The following ZNF717 variants were observed in gnomAD, a reference collection of about 807,000 sequenced individuals.
ZNF717 encodes zinc finger protein 717, also known as krueppel-like factor X17.
In ZNF717, 9 loss-of-function variants were observed where a neutral mutation model predicts 13.8. The ratio of observed to expected loss-of-function variants is 0.65; its 90% CI spans 0.39 to 1.14. The LOEUF (loss-of-function observed/expected upper bound fraction) is 1.14, where lower values mean the gene tolerates loss of function less well. ZNF717 is among the 50% of genes most tolerant of loss of function. The pLI is 0.01. For missense variants in ZNF717, 1,040 were observed against 1,080.7 expected (o/e 0.96, Z 0.53); for synonymous variants, 327 against 364.1 (o/e 0.90, Z 1.16).
chr3:75,708,643 A>G (rs757554262), downstream of ZNF717, among the ~76,000 whole-genome samples: 31 of 152,208 alleles, frequency 2.0e-4, no homozygotes, highest in Non-Finnish European at 8.8e-5. Flanking sequence ...TTGAGAGAAG[A>G]AGGATCCAGA....
At position 75,737,226 on chromosome 3, in the gene ZNF717, T is replaced by C. The variant is rs1270272425; in HGVS notation, c.2397A>G (p.Thr799=). The change falls in exon 5 of 5, where the codon ACA becomes ACG. Residue 799 remains threonine, a synonymous_variant. Transcript: ENST00000652011. ...DECRKTFYDK[T]VLTIHQRTHT... is the part of the protein sequence containing the mutation. Reference sequence around the variant, plus strand: ...GAGTTCTCTGATGTATGGTGAGAACTGTCTTATCGTAAAAAGTTTTCCTAC... The same window carrying C: ...GAGTTCTCTGATGTATGGTGAGAACCGTCTTATCGTAAAAAGTTTTCCTAC... The C allele has an allele frequency of 1.3e-6, 2 of 1,553,406 alleles. No individual in the cohort carries two copies. Among genetic ancestry groups the C allele is most frequent in the African/African-American group, 1.4e-5 (1 of 73,200 alleles).
chr3:75,709,416 A>G (rs1183141995), downstream of ZNF717, among the ~76,000 whole-genome samples: 2 of 152,200 alleles, frequency 1.3e-5, no homozygotes, highest in African/African-American at 4.8e-5. Context: ...TCATGTCCCC[A>G]GGCCCCACCT....
intron 4 of ZNF717, chr3:75,716,676 C>T (rs1323093259): frequency 6.6e-6 from 1 of 152,042 alleles, no homozygotes; most frequent in Non-Finnish European, 1.5e-5. Context: ...TGAACAAGAA[C>T]TCAGTGAAAA....
At chr3:75,719,793 C>A (rs1205314106) in intron 4 of ZNF717, among the ~76,000 whole-genome samples, 2 of 152,026 alleles carry the variant, frequency 1.3e-5, no homozygotes, top group South Asian at 4.2e-4. Context: ...CCCGTCTCTA[C>A]TAAAAATACA....
Position 75,737,730 on chromosome 3 carries a change from C to A in ZNF717, c.1893G>T (p.Lys631Asn). The change falls in exon 5 of 5, where the codon AAG (lysine) becomes AAT (asparagine). Residue 631 changes from lysine to asparagine, a missense_variant. This residue lies in a region of ZNF717 where 873 missense variants were observed against 832.8 expected (regional missense o/e 1.05). Transcript: ENST00000652011. Reference protein sequence around the residue: ...CNECGKTFRQKSNLSTHQGTH... With the variant: ...CNECGKTFRQNSNLSTHQGTH... ...TTCCCTGATGGGTGCTGAGATTTGACTTCTGACGAAAGGTTTTTCCACATT... is the reference window on the plus strand; with the variant it reads ...TTCCCTGATGGGTGCTGAGATTTGAATTCTGACGAAAGGTTTTTCCACATT... 6.5e-7 allele frequency: 1 copy of A among 1,546,402 alleles called. No individual in the cohort carries two copies. The highest frequency in any genetic ancestry group is 2.5e-5 in the East Asian group (1 of 40,672).
chr3:75,717,481 T>C (rs62247357), intron 4 of ZNF717, among the ~76,000 whole-genome samples: 24 of 152,212 alleles, frequency 1.6e-4, no homozygotes, highest in Admixed American at 5.2e-4. Flanking sequence ...GATGAATGAA[T>C]GGAAAGAATG....
intron 4 of ZNF717, 111 bp from the exon 5 acceptor site, chr3:75,739,456 A>C: frequency 1.6e-6 from 1 of 635,132 alleles, no homozygotes; most frequent in Non-Finnish European, 2.4e-6. Context: ...GATTTGACAA[A>C]AATAAATATG....
downstream of ZNF717, among the ~76,000 whole-genome samples, chr3:75,732,406 G>A (rs1389454792): frequency 6.6e-6 from 1 of 152,238 alleles, no homozygotes; most frequent in African/African-American, 2.4e-5. Flanking sequence ...TTCTGCTACA[G>A]TCTGAATATC....
At position 75,773,293 on chromosome 3, in the gene ZNF717, G is replaced by T. The variant is rs183463671; in HGVS notation, c.57+10013C>A. Among the ~76,000 whole-genome samples the T allele has an allele frequency of 1.1e-4, 16 of 152,340 alleles. No individual in the cohort carries two copies. The East Asian group carries it at 2.7e-3, about 26-fold the overall frequency. ...GGATCCTTAATTTCTGGAAAACTAA[G>T]TTCCTTCTGGCTAATACGTTAGGCC... On this transcript the variant is annotated intron_variant, in intron 2 of 4. Transcript: ENST00000652011.
chr3:75,748,447 A>T (rs1225123429), intron 2 of ZNF717, among the ~76,000 whole-genome samples: 1 of 152,164 alleles, frequency 6.6e-6, no homozygotes, highest in African/African-American at 2.4e-5. Context: ...TCAATACAAT[A>T]CTTGCAAAAC....
chr3:75,740,016 C>CA, intron 4 of ZNF717, among the ~76,000 whole-genome samples: 1 of 152,260 alleles, frequency 6.6e-6, no homozygotes, highest in Non-Finnish European at 1.5e-5. Context: ...AAGCTCCAGT[C>CA]AAAAAACCAC....
chr3:75,728,454 G>C (rs1938341074), downstream of ZNF717, among the ~76,000 whole-genome samples: 1 of 152,192 alleles, frequency 6.6e-6, no homozygotes, highest in Non-Finnish European at 1.5e-5. Context: ...TGGGGTAAGG[G>C]GAAAACATTC....
chr3:75,746,994 T>C (rs1166566782), intron 2 of ZNF717, among the ~76,000 whole-genome samples: 3 of 152,312 alleles, frequency 2.0e-5, no homozygotes, highest in African/African-American at 7.2e-5. Context: ...TTTATGGTTT[T>C]AGGTCTAACA....
intron 6 of ZNF717, among the ~76,000 whole-genome samples, chr3:75,694,942 A>G (rs1937589052): frequency 6.6e-6 from 1 of 152,142 alleles, no homozygotes; most frequent in Admixed American, 6.5e-5. Context: ...GAGGACAAAA[A>G]TCAATCAGAA....
At chr3:75,698,148 C>CAAAAAA (rs61557684) in intron 6 of ZNF717, among the ~76,000 whole-genome samples, 2,374 of 148,466 alleles carry the variant, frequency 0.016, no homozygotes, top group East Asian at 0.069. Context: ...CATGTTCTAG[C>CAAAAAA]AAAAAAAAAA....
chr3:75,781,854 G>A (rs1194028833), intron 2 of ZNF717, among the ~76,000 whole-genome samples: 1 of 152,110 alleles, frequency 6.6e-6, no homozygotes, highest in Non-Finnish European at 1.5e-5. Context: ...ACTTTGTGGT[G>A]AATTTAAAGC....
intron 2 of ZNF717, among the ~76,000 whole-genome samples, chr3:75,778,309 G>C (rs1387172955): frequency 6.6e-6 from 1 of 151,606 alleles, no homozygotes; most frequent in Non-Finnish European, 1.5e-5. Context: ...CAATGGGAGT[G>C]ATCTGCTAAA....
downstream of ZNF717, among the ~76,000 whole-genome samples, chr3:75,731,046 A>G (rs76613385): frequency 2.2e-3 from 313 of 139,324 alleles, no homozygotes; most frequent in South Asian, 0.011. Context: ...TTCAAGACCA[A>G]CCTGGTCAAC....
downstream of ZNF717, among the ~76,000 whole-genome samples, chr3:75,726,023 T>G (rs1938272161): frequency 6.6e-6 from 1 of 152,262 alleles, no homozygotes; most frequent in Non-Finnish European, 1.5e-5. Flanking sequence ...TGGCTCATTA[T>G]GAAACCCATC....
Sources: gnomAD v4.1 joint callset for allele counts (sites outside exome capture counted in the v4.1 genomes callset) on GRCh38, gnomAD v4.1.1 for gene constraint, gnomAD v4.1.1 regional missense constraint, MANE v1.5 for transcripts, NCBI Gene and HGNC (gene_info 2026-07-23, HGNC 2026-07-21) for gene names.